RAPGEF4: variants seen among roughly 807,000 people sequenced by gnomAD.
RAPGEF4 encodes the protein RAP guanine-nucleotide-exchange factor (GEF) 4.
Under a neutral mutation model 147.9 loss-of-function variants are expected in RAPGEF4, and 66 were observed. The observed-to-expected ratio is 0.45, with a 90% CI of 0.37 to 0.55. The LOEUF (loss-of-function observed/expected upper bound fraction) is 0.55, where lower values mean the gene tolerates loss of function less well. Among genes scored for constraint, RAPGEF4 ranks in the 20% least tolerant of loss-of-function variants. The pLI is 0.00. For synonymous variants in RAPGEF4, 419 were observed against 442.7 expected (o/e 0.95, Z 0.67); for missense variants, 1,071 against 1,257.3 (o/e 0.85, Z 2.24).
At position 172,996,389 on chromosome 2, in the gene RAPGEF4, A is replaced by AC; in HGVS notation, c.1491-77_1491-76insC. 4.9e-6 allele frequency: 4 copies of AC among 813,808 alleles called. No individual in the cohort carries two copies. The South Asian group carries it at 7.9e-5, about 16-fold the overall frequency. The allele number at this position is 813,808 out of a possible 1,614,324, so 50.4% of individuals were successfully genotyped here. On this transcript the variant is annotated intron_variant, in intron 15 of 30. Coordinates refer to ENST00000397081, the MANE Select transcript of RAPGEF4 (RefSeq NM_007023.4). Reference sequence around the variant, plus strand: ...TGGGATCTCAAATTAAAAAAAAAAAAAACTTAGATAAGTAAAAGTTTTTTT... The same window carrying AC: ...TGGGATCTCAAATTAAAAAAAAAAAACAACTTAGATAAGTAAAAGTTTTTTT...
At position 172,967,412 on chromosome 2, in the gene RAPGEF4, C is replaced by G; in HGVS notation, c.972C>G (p.Pro324=). The G allele has an allele frequency of 6.2e-7, 1 of 1,611,696 alleles. No homozygotes were observed. Among genetic ancestry groups the G allele is most frequent in the Non-Finnish European group, 8.5e-7 (1 of 1,179,726 alleles). ...TGCTGCTGCTGTCACAGATGGGCCC[C>G]GACGCCCACATGAGGATGATCCTTC... is the stretch of plus-strand genomic sequence containing the variant. ...DTMLLLSQMG[P]DAHMRMILRK... The change falls in exon 10 of 31, where the codon CCC becomes CCG. Residue 324 remains proline (P), a synonymous_variant. Coordinates refer to ENST00000397081, the MANE Select transcript of RAPGEF4 (RefSeq NM_007023.4).
In RAPGEF4 at chr2:172,797,625, T is replaced by TG; in HGVS notation, c.297+12_297+13insG. The TG allele has an allele frequency of 1.3e-6, 2 of 1,596,442 alleles. No homozygotes were observed. Among genetic ancestry groups the TG allele is most frequent in the Non-Finnish European group, 1.7e-6 (2 of 1,166,356 alleles). ...CCAGCAGTCACCAGGTAATATGGTC[T>TG]ATTTTTTTGAAAGTAGGATTTATTT... is the stretch of plus-strand genomic sequence containing the variant. On this transcript the variant is annotated intron_variant, in intron 3 of 30. Transcript: ENST00000397081.
intron 4 of RAPGEF4, among the ~76,000 whole-genome samples, chr2:172,907,424 G>A (rs968792810): frequency 1.3e-5 from 2 of 152,100 alleles, no homozygotes; most frequent in African/African-American, 4.8e-5. Context: ...TTTTAAAGGA[G>A]TCTCTTAGTA....
intron 1 of RAPGEF4, among the ~76,000 whole-genome samples, chr2:172,760,579 A>G (rs1696212636): frequency 6.6e-6 from 1 of 152,074 alleles, no homozygotes; most frequent in East Asian, 1.9e-4. Flanking sequence ...TTAGCCAGGC[A>G]TGGTGGCGGG....
At chr2:172,950,658 C>T (rs1688123485) in intron 6 of RAPGEF4, among the ~76,000 whole-genome samples, 1 of 152,114 alleles carries the variant, frequency 6.6e-6, no homozygotes, top group South Asian at 2.1e-4. Flanking sequence ...AAGTATATTA[C>T]TCAAATACTC....
chr2:172,974,076 C>T (rs550898372), intron 10 of RAPGEF4, among the ~76,000 whole-genome samples: 4 of 152,338 alleles, frequency 2.6e-5, no homozygotes, highest in South Asian at 2.1e-4. Context: ...CACCATTTAT[C>T]GAGCATCTGT....
chr2:172,854,458 ATC>A (rs1259287723), intron 4 of RAPGEF4, among the ~76,000 whole-genome samples: 2 of 151,912 alleles, frequency 1.3e-5, no homozygotes, highest in Non-Finnish European at 2.9e-5. Context: ...TTTTCTAACT[ATC>A]TGTTTCTTTG....
rs761055424 is a variant in RAPGEF4 at position 173,017,210 on chromosome 2, T to A, written c.1929+6T>A. 1 of 1,612,370 alleles carries A rather than the reference T, an allele frequency of 6.2e-7. No individual in the cohort carries two copies. The highest frequency in any genetic ancestry group is 1.7e-5 in the Admixed American group (1 of 60,024). On this transcript the variant is annotated splice_donor_region_variant and intron_variant, in intron 20 of 30. Coordinates refer to ENST00000397081, the MANE Select transcript of RAPGEF4 (RefSeq NM_007023.4). ...CAAAGGCACCACAAAAGAAGGTAGG[T>A]GGCATGAACTTGCATTCTCTGTCTG...
At chr2:173,032,972 T>C (rs796431730) in intron 26 of RAPGEF4, among the ~76,000 whole-genome samples, 2 of 152,294 alleles carry the variant, frequency 1.3e-5, no homozygotes, top group African/African-American at 4.8e-5. Context: ...CACAGCTCTA[T>C]CTTGGCTTAG....
intron 1 of RAPGEF4, among the ~76,000 whole-genome samples, chr2:172,746,187 A>T (rs567903217): frequency 6.6e-6 from 1 of 152,362 alleles, no homozygotes; most frequent in African/African-American, 2.4e-5. Flanking sequence ...AAGAGTAATA[A>T]GACTTTGGTG....
chr2:172,754,760 A>G (rs1430060243), intron 1 of RAPGEF4, among the ~76,000 whole-genome samples: 4 of 152,148 alleles, frequency 2.6e-5, no homozygotes, highest in Non-Finnish European at 5.9e-5. Context: ...AAAAATCCTC[A>G]GGCCAGGCAC....
intron 12 of RAPGEF4, among the ~76,000 whole-genome samples, chr2:172,985,873 T>G (rs1487261177): frequency 6.6e-6 from 1 of 152,242 alleles, no homozygotes; most frequent in East Asian, 1.9e-4. Flanking sequence ...CTAATCGATC[T>G]CTTGAGGTTG....
rs1696762577 is a variant in RAPGEF4 at position 173,027,343 on chromosome 2, A to G, written c.2558+84A>G. 3.3e-6 allele frequency: 4 copies of G among 1,212,008 alleles called. No individual in the cohort carries two copies. The South Asian group carries it at 6.7e-5, about 20-fold the overall frequency. 75.1% of individuals were successfully genotyped at this position (1,212,008 alleles called of 1,614,324 possible). On this transcript the variant is annotated intron_variant, in intron 25 of 30. Coordinates refer to ENST00000397081, the MANE Select transcript of RAPGEF4 (RefSeq NM_007023.4). ...TTTCTTAGACTACACCTTAAAAAGA[A>G]AAGCAGGATCTAGGAACTGCTAGAG...
At chr2:172,853,392 T>C (rs1049588376) in intron 4 of RAPGEF4, among the ~76,000 whole-genome samples, 3 of 152,048 alleles carry the variant, frequency 2.0e-5, no homozygotes, top group African/African-American at 7.2e-5. Flanking sequence ...TTGTCTGTTT[T>C]ATCTAAGCAT....
chr2:172,854,626 T>C (rs1248134833), intron 4 of RAPGEF4, among the ~76,000 whole-genome samples: 1 of 152,154 alleles, frequency 6.6e-6, no homozygotes, highest in African/African-American at 2.4e-5. Flanking sequence ...TTTGTTGTTG[T>C]TGTTGTTCCA....
chr2:172,910,593 C>T (rs1025405037), intron 4 of RAPGEF4, among the ~76,000 whole-genome samples: 3 of 152,214 alleles, frequency 2.0e-5, no homozygotes, highest in African/African-American at 2.4e-5. Context: ...TTGGCCTCAG[C>T]TGGGGAGACT....
At chr2:172,830,163 A>G (rs963768571) in intron 4 of RAPGEF4, among the ~76,000 whole-genome samples, 2 of 152,226 alleles carry the variant, frequency 1.3e-5, no homozygotes, top group African/African-American at 2.4e-5. Context: ...ATTTATTCCC[A>G]GTGTAACATA....
At chr2:172,898,033 C>A (rs1698699805) in intron 4 of RAPGEF4, among the ~76,000 whole-genome samples, 1 of 152,036 alleles carries the variant, frequency 6.6e-6, no homozygotes. Flanking sequence ...AGGCTGCAGG[C>A]TGAGCACAGC....
intron 1 of RAPGEF4, among the ~76,000 whole-genome samples, chr2:172,766,123 T>C (rs2149478063): frequency 6.6e-6 from 1 of 152,358 alleles, no homozygotes; most frequent in African/African-American, 2.4e-5. Context: ...ATTTATGATA[T>C]CTTATTTTTT....
Sources: gnomAD v4.1 joint callset for allele counts (sites outside exome capture counted in the v4.1 genomes callset) on GRCh38, gnomAD v4.1.1 for gene constraint, MANE v1.5 for transcripts, NCBI Gene and HGNC (gene_info 2026-07-23, HGNC 2026-07-21) for gene names.